Variants in PTPRD observed in about 807,000 individuals in gnomAD.
The protein encoded by PTPRD is protein tyrosine phosphatase receptor type D.
In PTPRD, 34 loss-of-function variants were observed where a neutral mutation model predicts 214.5. The ratio of observed to expected loss-of-function variants is 0.16; its 90% CI spans 0.12 to 0.21. The LOEUF (loss-of-function observed/expected upper bound fraction) is 0.21, where lower values mean the gene tolerates loss of function less well. Among genes scored for constraint, PTPRD ranks in the 10% least tolerant of loss-of-function variants. The pLI is 1.00. For missense variants in PTPRD, 2,545 were observed against 2,398.7 expected, an observed-to-expected ratio of 1.06 and a Z score of -1.27; for synonymous variants, 1,128 against 845.7, an observed-to-expected ratio of 1.33 and a Z score of -5.79.
intron 4 of PTPRD, among the ~76,000 whole-genome samples, chr9:9,989,773 G>C (rs1228165515): frequency 2.6e-5 from 4 of 152,212 alleles, no homozygotes; most frequent in East Asian, 3.9e-4. Flanking sequence ...TGGGGCTCCA[G>C]GGGTCATGGG....
chr9:8,462,867 G>A (rs147885526), intron 32 of PTPRD, among the ~76,000 whole-genome samples: 2 of 151,534 alleles, frequency 1.3e-5, no homozygotes, highest in East Asian at 2.0e-4. Flanking sequence ...ATTTTCTTTG[G>A]CGAAACTACA....
At chr9:9,808,798 G>A (rs1479247686) in intron 5 of PTPRD, among the ~76,000 whole-genome samples, 1 of 152,012 alleles carries the variant, frequency 6.6e-6, no homozygotes, top group African/African-American at 2.4e-5. Flanking sequence ...TAGATACTGG[G>A]TCTTGCTTTG....
chr9:9,971,217 C>G (rs1050833449), intron 4 of PTPRD, among the ~76,000 whole-genome samples: 3 of 151,976 alleles, frequency 2.0e-5, no homozygotes, highest in Non-Finnish European at 2.9e-5. Flanking sequence ...GATTTAAGTT[C>G]CTTTTAAGTA....
chr9:10,378,384 G>T (rs1169292434), intron 2 of PTPRD, among the ~76,000 whole-genome samples: 1 of 151,850 alleles, frequency 6.6e-6, no homozygotes, highest in Non-Finnish European at 1.5e-5. Flanking sequence ...AAAAAATTTT[G>T]CCCAGATCAA....
At chr9:9,568,015 A>G (rs987804889) in intron 8 of PTPRD, among the ~76,000 whole-genome samples, 14 of 151,726 alleles carry the variant, frequency 9.2e-5, no homozygotes, top group African/African-American at 3.1e-4. Context: ...ACATCTTTCA[A>G]TATTGAGGGA....
At chr9:9,515,182 C>A (rs181060843) in intron 8 of PTPRD, among the ~76,000 whole-genome samples, 1 of 152,030 alleles carries the variant, frequency 6.6e-6, no homozygotes, top group African/African-American at 2.4e-5. Context: ...GTATAGAAGT[C>A]TTTTGTAAAC....
rs915462490 is a variant in PTPRD at position 9,381,559 on chromosome 9, C to T, written c.-203+15890G>A. Among the ~76,000 whole-genome samples, 3 of 151,844 alleles carry T rather than the reference C, an allele frequency of 2.0e-5. 1 individual carries two copies. ...TATTTTTGTAGAGACAGGGTTTCAC[C>T]ATGTTTCCCAGGCTGGTCTCCTGGG... On this transcript the variant is annotated intron_variant, in intron 9 of 45. Coordinates refer to ENST00000381196, the MANE Select transcript of PTPRD (RefSeq NM_002839.4).
intron 3 of PTPRD, among the ~76,000 whole-genome samples, chr9:10,119,359 T>G (rs1012776062): frequency 6.6e-5 from 10 of 152,062 alleles, no homozygotes; most frequent in African/African-American, 2.2e-4. Flanking sequence ...GTTTGCCTTC[T>G]ATGGTACACT....
In PTPRD at chr9:8,523,538, G is replaced by T. The variant is rs1450915102; in HGVS notation, c.680-14C>A. The T allele has an allele frequency of 1.2e-6, 2 of 1,612,900 alleles. No homozygotes were observed. The highest frequency in any genetic ancestry group is 1.7e-5 in the Admixed American group (1 of 59,892). On this transcript the variant is annotated splice_polypyrimidine_tract_variant and intron_variant, in intron 18 of 45. Transcript: ENST00000381196. ...CTTCTCGCAGCTCTGAGGGATGTAG[G>T]GGGTTTGATGCAGAACACAATGAAA... is the stretch of plus-strand genomic sequence containing the variant.
chr9:8,647,467 T>A (rs957389174), intron 12 of PTPRD, among the ~76,000 whole-genome samples: 1 of 152,196 alleles, frequency 6.6e-6, no homozygotes, highest in Non-Finnish European at 1.5e-5. Flanking sequence ...ACTGTGAATA[T>A]CTTTTATGAC....
intron 14 of PTPRD, among the ~76,000 whole-genome samples, chr9:8,624,189 C>T (rs1267986446): frequency 7.9e-5 from 12 of 151,758 alleles, no homozygotes; most frequent in African/African-American, 1.4e-4. Flanking sequence ...TGTGTGTTAA[C>T]GTAACAATAA....
At chr9:8,548,293 G>C (rs977599242) in intron 14 of PTPRD, among the ~76,000 whole-genome samples, 9 of 152,126 alleles carry the variant, frequency 5.9e-5, no homozygotes, top group Admixed American at 5.2e-4. Flanking sequence ...ATGCAAAGAT[G>C]GCTGGCCAGG....
chr9:10,005,340 C>A (rs186149609), intron 4 of PTPRD, among the ~76,000 whole-genome samples: 2 of 152,216 alleles, frequency 1.3e-5, no homozygotes, highest in Non-Finnish European at 2.9e-5. Context: ...TCGAGGCCAA[C>A]AGATAAGACC....
intron 11 of PTPRD, among the ~76,000 whole-genome samples, chr9:8,752,372 G>T (rs1036402789): frequency 6.6e-6 from 1 of 152,084 alleles, no homozygotes; most frequent in African/African-American, 2.4e-5. Flanking sequence ...GCAACATCAG[G>T]AAGTTACCCT....
intron 10 of PTPRD, among the ~76,000 whole-genome samples, chr9:9,114,258 A>T (rs2099810001): frequency 6.6e-6 from 1 of 152,168 alleles, no homozygotes; most frequent in African/African-American, 2.4e-5. Flanking sequence ...TGATGGCCAT[A>T]CAGTTGAAAC....
intron 2 of PTPRD, among the ~76,000 whole-genome samples, chr9:10,420,350 T>C (rs999886288): frequency 1.3e-5 from 2 of 151,910 alleles, no homozygotes; most frequent in Admixed American, 6.6e-5. Flanking sequence ...TCAGATAATA[T>C]TGAAAATGGC....
intron 10 of PTPRD, among the ~76,000 whole-genome samples, chr9:9,119,489 A>G (rs538272474): frequency 6.6e-6 from 1 of 152,268 alleles, no homozygotes; most frequent in African/African-American, 2.4e-5. Context: ...ATTCCTGCAA[A>G]AATATTTACT....
chr9:8,912,855 T>C (rs2098757597), intron 11 of PTPRD, among the ~76,000 whole-genome samples: 1 of 152,128 alleles, frequency 6.6e-6, no homozygotes, highest in Admixed American at 6.6e-5. Context: ...GGTTCCTAAA[T>C]GGTAGAAACA....
chr9:9,045,276 A>T (rs1008582408), intron 10 of PTPRD, among the ~76,000 whole-genome samples: 16 of 152,300 alleles, frequency 1.1e-4, no homozygotes, highest in African/African-American at 3.8e-4. Context: ...TTCAAGGGTC[A>T]GTCATGTTGA....
Sources: gnomAD v4.1 joint callset for allele counts (sites outside exome capture counted in the v4.1 genomes callset) on GRCh38, gnomAD v4.1.1 for gene constraint, MANE v1.5 for transcripts, NCBI Gene and HGNC (gene_info 2026-07-23, HGNC 2026-07-21) for gene names.